The following PTPRD variants were observed in gnomAD, a reference collection of about 807,000 sequenced individuals.
PTPRD encodes the protein protein tyrosine phosphatase receptor type D, also known as receptor-type tyrosine-protein phosphatase delta.
A neutral mutation model predicts 214.5 loss-of-function variants in PTPRD; 34 were observed. The ratio of observed to expected loss-of-function variants is 0.16; its 90% CI spans 0.12 to 0.21. PTPRD has a LOEUF of 0.21. Ranked by LOEUF, PTPRD falls within the 10% of genes least tolerant of loss-of-function variation. The pLI, the probability that PTPRD is intolerant of heterozygous loss-of-function variation, is 1.00. For synonymous variants in PTPRD, 1,128 were observed against 845.7 expected (o/e 1.33, Z -5.79); for missense variants, 2,545 against 2,398.7 (o/e 1.06, Z -1.27).
intron 12 of PTPRD, among the ~76,000 whole-genome samples, chr9:8,643,980 G>A (rs2154337693): frequency 6.6e-6 from 1 of 152,282 alleles, no homozygotes; most frequent in African/African-American, 2.4e-5. Flanking sequence ...GGGAACTGGT[G>A]GTGCCTTTTC....
chr9:8,840,812 G>T (rs1333648452), intron 11 of PTPRD, among the ~76,000 whole-genome samples: 1 of 152,046 alleles, frequency 6.6e-6, no homozygotes, highest in Non-Finnish European at 1.5e-5. Context: ...CTTTCAGTGG[G>T]ACTTAGCAAG....
intron 10 of PTPRD, among the ~76,000 whole-genome samples, chr9:9,055,656 G>C (rs1456136551): frequency 6.6e-6 from 1 of 151,816 alleles, no homozygotes; most frequent in Non-Finnish European, 1.5e-5. Flanking sequence ...TTGTTAATTT[G>C]AGTTGATTCA....
chr9:8,383,580 A>C (rs150480034), intron 37 of PTPRD, among the ~76,000 whole-genome samples: 3 of 152,294 alleles, frequency 2.0e-5, no homozygotes, highest in Non-Finnish European at 2.9e-5. Context: ...CCCTATTTGG[A>C]AACAGAAAAT....
intron 42 of PTPRD, among the ~76,000 whole-genome samples, chr9:8,339,770 A>G (rs1305173371): frequency 6.6e-6 from 1 of 151,892 alleles, no homozygotes; most frequent in African/African-American, 2.4e-5. Context: ...ATATTAGGTC[A>G]TAGTGGTAGA....
At chr9:10,121,248 C>T (rs901344100) in intron 3 of PTPRD, among the ~76,000 whole-genome samples, 4 of 152,074 alleles carry the variant, frequency 2.6e-5, no homozygotes, top group African/African-American at 7.2e-5. Context: ...CTTTCTTTAG[C>T]CATGTAATTG....
At chr9:8,765,485 C>A (rs950783353) in intron 11 of PTPRD, among the ~76,000 whole-genome samples, 1 of 152,214 alleles carries the variant, frequency 6.6e-6, no homozygotes, top group Non-Finnish European at 1.5e-5. Flanking sequence ...TCCCTGCCAG[C>A]AACCATGTGA....
intron 4 of PTPRD, among the ~76,000 whole-genome samples, chr9:10,004,689 T>A (rs901147673): frequency 1.3e-5 from 2 of 152,056 alleles, no homozygotes; most frequent in Non-Finnish European, 2.9e-5. Context: ...ATTCTATTTT[T>A]AAAATACCAA....
chr9:8,482,307 T>C (rs2096904567), intron 30 of PTPRD, among the ~76,000 whole-genome samples: 1 of 152,174 alleles, frequency 6.6e-6, no homozygotes, highest in Non-Finnish European at 1.5e-5. Context: ...ACTACTACTC[T>C]AGTGTAACTC....
At chr9:10,299,825 T>G (rs1308726945) in intron 3 of PTPRD, among the ~76,000 whole-genome samples, 1 of 152,200 alleles carries the variant, frequency 6.6e-6, no homozygotes, top group Non-Finnish European at 1.5e-5. Context: ...TATCTTTACA[T>G]TGCTATAATT....
intron 9 of PTPRD, among the ~76,000 whole-genome samples, chr9:9,359,581 C>T (rs994622680): frequency 1.3e-5 from 2 of 151,268 alleles, no homozygotes; most frequent in Non-Finnish European, 3.0e-5. Flanking sequence ...TTAAACTGAA[C>T]TTGAAACCAA....
chr9:9,009,167 A>C (rs975656742), intron 11 of PTPRD, among the ~76,000 whole-genome samples: 1 of 152,064 alleles, frequency 6.6e-6, no homozygotes, highest in Non-Finnish European at 1.5e-5. Context: ...TCCAATATCT[A>C]TCTCAATATT....
At chr9:10,267,273 T>A (rs111699311) in intron 3 of PTPRD, among the ~76,000 whole-genome samples, 101 of 151,338 alleles carry the variant, frequency 6.7e-4, no homozygotes, top group African/African-American at 1.9e-3. Flanking sequence ...TGGAAGTAGG[T>A]TGAATGATGT....
At chr9:9,692,426 G>T (rs2154404462) in intron 7 of PTPRD, among the ~76,000 whole-genome samples, 1 of 151,986 alleles carries the variant, frequency 6.6e-6, no homozygotes, top group South Asian at 2.1e-4. Flanking sequence ...TGTCAAAAAT[G>T]AGCCCACTGT....
At chr9:10,061,092 G>A (rs907237320) in intron 3 of PTPRD, among the ~76,000 whole-genome samples, 1 of 151,338 alleles carries the variant, frequency 6.6e-6, no homozygotes, top group African/African-American at 2.4e-5. Context: ...TTGGGGTCAG[G>A]TATATGGTGT....
rs766146991 is a variant in PTPRD at position 8,485,769 on chromosome 9, C to T, written c.3048G>A (p.Val1016=). Residue 1016 remains valine, a synonymous_variant, in exon 28 of 46, where the codon GTG becomes GTA. Coordinates refer to ENST00000381196, the MANE Select transcript of PTPRD (RefSeq NM_002839.4). ...SPSVQFRTLP[V]DQVFAKNFHV... is the part of the protein sequence containing the mutation. ...TAAGCAGACAAATCCTACCTTGATC[C>T]ACAGGCAGTGTCCTGAACTGGACAC... 49 of 1,610,104 alleles carry T rather than the reference C, an allele frequency of 3.0e-5. No individual in the cohort carries two copies. The highest frequency in any genetic ancestry group is 4.2e-5 in the Non-Finnish European group (49 of 1,178,278).
At chr9:10,237,615 G>C (rs1321768746) in intron 3 of PTPRD, among the ~76,000 whole-genome samples, 1 of 151,890 alleles carries the variant, frequency 6.6e-6, no homozygotes, top group Non-Finnish European at 1.5e-5. Flanking sequence ...ATTGCTTTAA[G>C]TACTATAGTG....
intron 7 of PTPRD, among the ~76,000 whole-genome samples, chr9:9,669,350 T>G (rs2096782354): frequency 6.6e-6 from 1 of 152,160 alleles, no homozygotes; most frequent in Non-Finnish European, 1.5e-5. Flanking sequence ...TGGTATGGAA[T>G]TAGTTCTGGA....
Position 8,523,427 on chromosome 9 carries a change from C to T in PTPRD, c.691+86G>A, listed in dbSNP as rs2097930389. On this transcript the variant is annotated intron_variant, in intron 19 of 45. Transcript: ENST00000381196. ...CATTAACCAAAAGAAGAACACAATG[C>T]AGCTACATTCATTTCATTTGTATTC... The T allele has an allele frequency of 7.5e-6, 11 of 1,463,068 alleles. No homozygotes were observed. The South Asian group carries it at 9.5e-5, about 13-fold the overall frequency. The allele number at this position is 1,463,068 out of a possible 1,614,324, so 90.6% of individuals were successfully genotyped here. A position where few individuals can be genotyped will look rare whatever the true frequency, so the allele number is the denominator to read the frequency against.
chr9:9,629,182 T>C (rs987195058), intron 7 of PTPRD, among the ~76,000 whole-genome samples: 1 of 148,198 alleles, frequency 6.7e-6, no homozygotes, highest in Non-Finnish European at 1.5e-5. Flanking sequence ...AAAAAATAAA[T>C]AAATAAATAA....
Sources: allele counts gnomAD v4.1 joint callset (sites outside exome capture counted in the v4.1 genomes callset), GRCh38; gene constraint gnomAD v4.1.1; transcripts MANE v1.5; gene names NCBI Gene and HGNC (gene_info 2026-07-23, HGNC 2026-07-21).